Variants in DCBLD2 observed in about 807,000 individuals in gnomAD.
DCBLD2 encodes discoidin, CUB and LCCL domain containing 2, also known as discoidin, CUB and LCCL domain-containing protein 2.
A neutral mutation model predicts 86.8 loss-of-function variants in DCBLD2; 54 were observed. That is an observed-to-expected ratio of 0.62 (90% confidence interval 0.50 to 0.78). The LOEUF (loss-of-function observed/expected upper bound fraction) is 0.78, where lower values mean the gene tolerates loss of function less well. DCBLD2 is among the 30% of genes least tolerant of loss of function. The pLI is 0.00. For synonymous variants in DCBLD2, 354 were observed against 341.3 expected (o/e 1.04, Z -0.41); for missense variants, 908 against 954.2 (o/e 0.95, Z 0.64).
chr3:98,806,658 A>G (rs1327044744), intron 13 of DCBLD2, among the ~76,000 whole-genome samples: 2 of 152,152 alleles, frequency 1.3e-5, no homozygotes, highest in Non-Finnish European at 2.9e-5. Context: ...CACATGGCTC[A>G]ATACTTGACA....
chr3:98,832,270 C>T (rs1007804340), intron 3 of DCBLD2, among the ~76,000 whole-genome samples: 1 of 152,068 alleles, frequency 6.6e-6, no homozygotes, highest in Non-Finnish European at 1.5e-5. Flanking sequence ...CTGCATTTTT[C>T]TGATTTCCAT....
intron 2 of DCBLD2, among the ~76,000 whole-genome samples, chr3:98,872,868 G>A (rs916386791): frequency 3.9e-5 from 6 of 152,112 alleles, no homozygotes; most frequent in African/African-American, 1.4e-4. Flanking sequence ...GAGTTAAAAT[G>A]TATCAGTTAT....
chr3:98,839,144 C>CTTCCTTCTTTCTTTCTTTCTTTCTTTCT (rs1491105632), intron 3 of DCBLD2, among the ~76,000 whole-genome samples: 40 of 111,026 alleles, frequency 3.6e-4, no homozygotes, highest in African/African-American at 1.4e-3. Context: ...TCCTTCCTTC[C>CTTCCTTCTTTCTTTCTTTCTTTCTTTCT]TTCTTTCTTT....
intron 9 of DCBLD2, chr3:98,813,099 A>G (rs1941965787): frequency 2.0e-5 from 3 of 152,168 alleles, no homozygotes; most frequent in Admixed American, 2.0e-4. Flanking sequence ...TTAAATTATT[A>G]ATTATTTTTA....
chr3:98,805,875 CTTTA>C (rs781562947), intron 13 of DCBLD2, among the ~76,000 whole-genome samples: 16 of 152,104 alleles, frequency 1.1e-4, no homozygotes, highest in Non-Finnish European at 2.2e-4. Flanking sequence ...GTGAGTTATA[CTTTA>C]TTTATTATGT....
chr3:98,814,035 C>T (rs143646201), intron 9 of DCBLD2: 22 of 152,226 alleles, frequency 1.4e-4, no homozygotes, highest in African/African-American at 4.6e-4. Flanking sequence ...GCATATATTG[C>T]CTAAAATCAA....
rs1427144581 is a variant in DCBLD2 at position 98,799,610 on chromosome 3, G to A, written c.2090C>T (p.Ser697Phe). ...CCCCGTAGCCTTGAAAGTGGATGTG[G>A]AGGGCTGACCAACTGAAGTTGTGGG... is the stretch of plus-strand genomic sequence containing the variant. ...GHPTTSVGQP[S>F]TSTFKATGNQ... The change falls in exon 16 of 16, where the codon TCC becomes TTC. Residue 697 changes from serine to phenylalanine, a missense_variant. Transcript: ENST00000326840. 1.9e-6 allele frequency: 3 copies of A among 1,613,996 alleles called. No individual in the cohort carries two copies. The South Asian group carries it at 3.3e-5, about 18-fold the overall frequency.
intron 2 of DCBLD2, among the ~76,000 whole-genome samples, chr3:98,852,599 T>A (rs1463064350): frequency 6.6e-6 from 1 of 152,208 alleles, no homozygotes; most frequent in African/African-American, 2.4e-5. Context: ...TTAACTTCTT[T>A]TATGTTACAT....
intron 3 of DCBLD2, among the ~76,000 whole-genome samples, chr3:98,839,056 C>T (rs1576174132): frequency 1.3e-5 from 2 of 150,666 alleles, no homozygotes; most frequent in Admixed American, 1.3e-4. Context: ...GAGAGGGAGC[C>T]TTGGGATCCT....
At position 98,801,616 on chromosome 3, in the gene DCBLD2, AG is replaced by A; in HGVS notation, c.1703del (p.Pro568LeufsTer12). On this transcript the variant is annotated frameshift_variant, in exon 14 of 16. Coordinates refer to ENST00000326840, the MANE Select transcript of DCBLD2 (RefSeq NM_080927.4). LOFTEE classifies it high-confidence loss of function. The part of the protein sequence containing the change: ...KKKTEGTYDL[P>X]YWDRAGWWKG... ...GTGAGTTACCTGCCCGGTCCCAGTAAGGTAAGTCATAGGTGCCTTCAGTTTT... is the reference window on the plus strand; with the variant it reads ...GTGAGTTACCTGCCCGGTCCCAGTAAGTAAGTCATAGGTGCCTTCAGTTTT... 6.2e-7 allele frequency: 1 copy of A among 1,610,414 alleles called. No homozygotes were observed. Among genetic ancestry groups the A allele is most frequent in the African/African-American group, 1.3e-5 (1 of 74,924 alleles).
chr3:98,811,569 T>C lies in DCBLD2; in HGVS notation c.1364-15A>G, dbSNP rs1425309718. The C allele has an allele frequency of 6.4e-7, 1 of 1,555,786 alleles. No individual in the cohort carries two copies. Among genetic ancestry groups the C allele is most frequent in the Admixed American group, 2.2e-5 (1 of 45,400 alleles). ...TGGAGGACGACCTTGAAAAATGGTTTAGAAAAATTTAAACATTTTGTTTTT... is the reference window on the plus strand; with the variant it reads ...TGGAGGACGACCTTGAAAAATGGTTCAGAAAAATTTAAACATTTTGTTTTT... On this transcript the variant is annotated splice_polypyrimidine_tract_variant and intron_variant, in intron 10 of 15. Coordinates refer to ENST00000326840, the MANE Select transcript of DCBLD2 (RefSeq NM_080927.4).
intron 13 of DCBLD2, among the ~76,000 whole-genome samples, chr3:98,805,812 C>T (rs1367747695): frequency 1.3e-5 from 2 of 152,180 alleles, no homozygotes; most frequent in Non-Finnish European, 2.9e-5. Flanking sequence ...CTTCTGCCCT[C>T]TCAACAGCGG....
chr3:98,801,874 A>C (rs1321545732), intron 13 of DCBLD2: 1 of 446,406 alleles, frequency 2.2e-6, no homozygotes, highest in East Asian at 3.6e-5. Flanking sequence ...GTCACTACAA[A>C]GGACAGGAAC....
intron 2 of DCBLD2, among the ~76,000 whole-genome samples, chr3:98,872,212 A>G (rs1943291086): frequency 6.6e-6 from 1 of 152,200 alleles, no homozygotes; most frequent in Non-Finnish European, 1.5e-5. Context: ...GCATGACAGT[A>G]TTGGAAAGTG....
intron 2 of DCBLD2, among the ~76,000 whole-genome samples, chr3:98,877,739 T>C (rs1297067726): frequency 6.6e-6 from 1 of 152,174 alleles, no homozygotes; most frequent in East Asian, 1.9e-4. Flanking sequence ...CAGGGTTCCC[T>C]GAAGAAATGG....
At chr3:98,870,674 G>C (rs1478266089) in intron 2 of DCBLD2, among the ~76,000 whole-genome samples, 2 of 146,516 alleles carry the variant, frequency 1.4e-5, no homozygotes, top group East Asian at 4.0e-4. Context: ...GAGAGAGAGA[G>C]AGAGAAATAG....
chr3:98,892,854 A>AG (rs1280022917), intron 1 of DCBLD2, among the ~76,000 whole-genome samples: 2 of 152,188 alleles, frequency 1.3e-5, no homozygotes, highest in African/African-American at 4.8e-5. Context: ...AAACAAAGGT[A>AG]TATCAGGAAA....
chr3:98,810,601 G>A (rs1941921824), intron 12 of DCBLD2, among the ~76,000 whole-genome samples: 1 of 152,050 alleles, frequency 6.6e-6, no homozygotes, highest in Admixed American at 6.6e-5. Flanking sequence ...AGACTACTAT[G>A]TTTTATGTAT....
chr3:98,898,729 A>G (rs1387928031), intron 1 of DCBLD2, among the ~76,000 whole-genome samples: 9 of 152,160 alleles, frequency 5.9e-5, no homozygotes, highest in Admixed American at 4.6e-4. Flanking sequence ...CATCTGTTAG[A>G]CTGGGAAGAC....
Sources: gnomAD v4.1 joint callset for allele counts (sites outside exome capture counted in the v4.1 genomes callset) on GRCh38, gnomAD v4.1.1 for gene constraint, MANE v1.5 for transcripts, NCBI Gene and HGNC (gene_info 2026-07-23, HGNC 2026-07-21) for gene names.